The following DNAH6 variants were observed in gnomAD, a reference collection of about 807,000 sequenced individuals.
DNAH6 encodes the protein dynein axonemal heavy chain 6.
A neutral mutation model predicts 491.4 loss-of-function variants in DNAH6; 340 were observed. That is an observed-to-expected ratio of 0.69 (90% CI 0.63 to 0.76). DNAH6 has a LOEUF of 0.76. Ranked by LOEUF, DNAH6 falls within the 30% of genes least tolerant of loss-of-function variation. The pLI is 0.00. For synonymous variants in DNAH6, 1,603 were observed against 1,686.1 expected (o/e 0.95, Z 1.21); for missense variants, 4,443 against 4,972.2 (o/e 0.89, Z 3.20).
the DNAH6 span, among the ~76,000 whole-genome samples, chr2:84,510,532 G>C: frequency 6.6e-6 from 1 of 152,006 alleles, no homozygotes; most frequent in Non-Finnish European, 1.5e-5. Context: ...TCCTCCTTTA[G>C]CTCGGAGTAG....
chr2:84,625,605 T>TA (rs140639712), intron 29 of DNAH6, among the ~76,000 whole-genome samples: 10,854 of 152,194 alleles, frequency 0.071, 1,278 homozygotes, highest in African/African-American at 0.25. Context: ...TTAAGTAAAA[T>TA]ATGTTTTATA....
At chr2:84,676,969 C>A in intron 40 of DNAH6, 36 bp from the exon 41 acceptor site, 1 of 1,550,648 alleles carries the variant, frequency 6.4e-7, no homozygotes, top group East Asian at 2.4e-5. Context: ...ATTTCATTCT[C>A]TGCTGAGTGA....
At chr2:84,698,729 T>C (rs964198416) in intron 47 of DNAH6, among the ~76,000 whole-genome samples, 1 of 152,246 alleles carries the variant, frequency 6.6e-6, no homozygotes, top group Non-Finnish European at 1.5e-5. Context: ...AAAAGAGATA[T>C]GCACCTGTAT....
chr2:84,614,918 T>C (rs1266447723), intron 22 of DNAH6, among the ~76,000 whole-genome samples: 1 of 152,168 alleles, frequency 6.6e-6, no homozygotes, highest in Non-Finnish European at 1.5e-5. Context: ...ATTCTGGCTA[T>C]TAGTCCTTTG....
intron 63 of DNAH6, among the ~76,000 whole-genome samples, chr2:84,756,363 G>C (rs1444965943): frequency 6.6e-6 from 1 of 152,162 alleles, no homozygotes; most frequent in African/African-American, 2.4e-5. Context: ...TTTAAAGTTT[G>C]AGTTACTGTA....
chr2:84,511,694 C>G (rs1675337270), upstream of DNAH6, among the ~76,000 whole-genome samples: 2 of 152,122 alleles, frequency 1.3e-5, no homozygotes, highest in Non-Finnish European at 2.9e-5. Context: ...TGGAGCTGTT[C>G]CTATTCCTTG....
At chr2:84,507,800 C>G in the DNAH6 span, among the ~76,000 whole-genome samples, 2 of 152,128 alleles carry the variant, frequency 1.3e-5, no homozygotes, top group African/African-American at 4.8e-5. Flanking sequence ...TTGTCAAAGG[C>G]CTTTTCTGCA....
At chr2:84,525,000 G>A (rs183786136) in intron 2 of DNAH6, among the ~76,000 whole-genome samples, 110 of 152,036 alleles carry the variant, frequency 7.2e-4, no homozygotes, top group African/African-American at 2.5e-3. Flanking sequence ...TCTTATCCCA[G>A]TATATGAGAG....
Position 84,624,354 on chromosome 2 carries a change from T to C in DNAH6, c.4161T>C (p.His1387=). The C allele has an allele frequency of 1.3e-6, 2 of 1,551,434 alleles. No individual in the cohort carries two copies. The highest frequency in any genetic ancestry group is 1.7e-6 in the Non-Finnish European group (2 of 1,146,846). ...CTGCATTGATTACTATTGATGTGCA[T>C]GCAAGAGATATAGTCACTGAACTTG... is the stretch of plus-strand genomic sequence containing the variant. ...ILTALITIDV[H]ARDIVTELVQ... The change falls in exon 27 of 77, where the codon CAT becomes CAC. Residue 1387 remains histidine, a synonymous_variant. Coordinates refer to ENST00000389394, the MANE Select transcript of DNAH6 (RefSeq NM_001370.2).
At chr2:84,654,880 G>A in intron 35 of DNAH6, 98 bp downstream of exon 35, 1 of 1,318,722 alleles carries the variant, frequency 7.6e-7, no homozygotes, top group Non-Finnish European at 1.0e-6. Context: ...CATGGTTCTT[G>A]ATTGAGGGGA....
chr2:84,675,928 A>C (rs1003763924), intron 40 of DNAH6, among the ~76,000 whole-genome samples: 1 of 152,146 alleles, frequency 6.6e-6, no homozygotes, highest in Admixed American at 6.5e-5. Flanking sequence ...CCAAAGTTGC[A>C]TATTTATTTT....
chr2:84,703,694 T>G, intron 50 of DNAH6, 132 bp downstream of exon 50: 1 of 889,318 alleles, frequency 1.1e-6, no homozygotes, highest in Non-Finnish European at 1.6e-6. Flanking sequence ...TAGCAAAGTT[T>G]TTTTTTTTTT....
intron 4 of DNAH6, among the ~76,000 whole-genome samples, chr2:84,542,352 G>A (rs1678334417): frequency 6.6e-6 from 1 of 152,100 alleles, no homozygotes; most frequent in African/African-American, 2.4e-5. Flanking sequence ...TATATCTTTA[G>A]CTATTGACAA....
chr2:84,532,683 C>T (rs926483422), intron 4 of DNAH6, among the ~76,000 whole-genome samples: 2 of 151,846 alleles, frequency 1.3e-5, no homozygotes, highest in African/African-American at 4.8e-5. Flanking sequence ...AGAAAAAATA[C>T]GTGAGCAAAA....
the DNAH6 span, among the ~76,000 whole-genome samples, chr2:84,472,137 T>A: frequency 6.6e-6 from 1 of 152,102 alleles, no homozygotes; most frequent in Non-Finnish European, 1.5e-5. Flanking sequence ...TTTGTAAATT[T>A]AAAAAATGTA....
chr2:84,669,777 G>T (rs1282215467), intron 38 of DNAH6, among the ~76,000 whole-genome samples: 6 of 152,112 alleles, frequency 3.9e-5, no homozygotes, highest in Admixed American at 3.9e-4. Flanking sequence ...TTATCCCTTG[G>T]TATTTTGGGG....
intron 29 of DNAH6, among the ~76,000 whole-genome samples, chr2:84,632,414 A>G (rs1688494774): frequency 6.6e-6 from 1 of 152,196 alleles, no homozygotes; most frequent in Admixed American, 6.5e-5. Context: ...AAAGAGGGTC[A>G]TTTTTGAAGA....
intron 63 of DNAH6, among the ~76,000 whole-genome samples, chr2:84,748,112 T>C (rs1227958813): frequency 6.6e-6 from 1 of 152,166 alleles, no homozygotes; most frequent in Non-Finnish European, 1.5e-5. Flanking sequence ...TGAAGTCTTT[T>C]TTCCCCCTGC....
chr2:84,786,362 G>A (rs1397022939), intron 67 of DNAH6, among the ~76,000 whole-genome samples: 4 of 150,512 alleles, frequency 2.7e-5, no homozygotes. Context: ...GGAGGTCAAG[G>A]CTGAATGAAC....
Sources: gnomAD v4.1 joint callset for allele counts (sites outside exome capture counted in the v4.1 genomes callset) on GRCh38, gnomAD v4.1.1 for gene constraint, MANE v1.5 for transcripts, NCBI Gene and HGNC (gene_info 2026-07-23, HGNC 2026-07-21) for gene names.